NXPH1: variants seen among roughly 807,000 people sequenced by gnomAD.
NXPH1 encodes neurexophilin-1.
Under a neutral mutation model 23.7 loss-of-function variants are expected in NXPH1, and 5 were observed. The observed-to-expected ratio is 0.21, with a 90% CI of 0.11 to 0.44. The LOEUF (loss-of-function observed/expected upper bound fraction) is 0.44, where lower values mean the gene tolerates loss of function less well. Ranked by LOEUF, NXPH1 falls within the 20% of genes least tolerant of loss-of-function variation. The probability of loss-of-function intolerance (pLI) is 0.99; values close to 1 mark genes in which losing one functional copy is unlikely to be tolerated. For synonymous variants in NXPH1, 144 were observed against 122.2 expected, an observed-to-expected ratio of 1.18 and a Z score of -1.18; for missense variants, 324 against 321.6, an observed-to-expected ratio of 1.01 and a Z score of -0.06.
At chr7:8,587,468 G>A (rs1355096709) in intron 2 of NXPH1, among the ~76,000 whole-genome samples, 1 of 151,986 alleles carries the variant, frequency 6.6e-6, no homozygotes. Context: ...GCATGCCACT[G>A]TTTCTGGCTT....
rs143707143 is a variant in NXPH1 at position 8,479,402 on chromosome 7, G to A, written c.54+43635G>A. 5.5e-3 allele frequency among the ~76,000 whole-genome samples: 835 copies of A among 152,118 alleles called. 8 individuals carry two copies. Among genetic ancestry groups the A allele is most frequent in the African/African-American group, 0.019 (809 of 41,538 alleles). ...ATCTTTGAGCATTAGAATTTTTGTT[G>A]CAGAAGAAAGGAGATACAGATGTAA... On this transcript the variant is annotated intron_variant, in intron 2 of 2. Transcript: ENST00000405863.
chr7:8,509,101 T>G (rs1429948225), intron 2 of NXPH1, among the ~76,000 whole-genome samples: 2 of 152,124 alleles, frequency 1.3e-5, no homozygotes, highest in African/African-American at 4.8e-5. Context: ...GGTGTAATTT[T>G]GATATCTTTA....
At chr7:8,537,589 C>T (rs552766689) in intron 2 of NXPH1, among the ~76,000 whole-genome samples, 18 of 152,032 alleles carry the variant, frequency 1.2e-4, no homozygotes, top group Admixed American at 5.9e-4. Flanking sequence ...AGGTCCTTCC[C>T]ATGACACATG....
At chr7:8,570,942 A>T (rs1818631750) in intron 2 of NXPH1, among the ~76,000 whole-genome samples, 1 of 151,876 alleles carries the variant, frequency 6.6e-6, no homozygotes. Flanking sequence ...TTGGGAGTTT[A>T]TAAAAATAAC....
At chr7:8,465,269 A>C (rs1002720039) in intron 2 of NXPH1, among the ~76,000 whole-genome samples, 6 of 152,244 alleles carry the variant, frequency 3.9e-5, no homozygotes, top group Non-Finnish European at 8.8e-5. Flanking sequence ...ACATTTTTCT[A>C]CTGGAATTTC....
intron 2 of NXPH1, among the ~76,000 whole-genome samples, chr7:8,481,550 C>T (rs543649557): frequency 6.6e-6 from 1 of 152,262 alleles, no homozygotes; most frequent in East Asian, 1.9e-4. Context: ...AATTTAGAGA[C>T]ATCTACCAGA....
chr7:8,572,524 C>T (rs1818668598), intron 2 of NXPH1, among the ~76,000 whole-genome samples: 1 of 151,840 alleles, frequency 6.6e-6, no homozygotes, highest in African/African-American at 2.4e-5. Flanking sequence ...GCAAGACAGT[C>T]TATTATTAAG....
At chr7:8,545,954 A>G (rs1584224039) in intron 2 of NXPH1, among the ~76,000 whole-genome samples, 1 of 151,516 alleles carries the variant, frequency 6.6e-6, no homozygotes, top group Non-Finnish European at 1.5e-5. Flanking sequence ...TGTAGGCTAA[A>G]TGCTCACAGT....
intron 2 of NXPH1, among the ~76,000 whole-genome samples, chr7:8,609,540 T>A (rs570378031): frequency 6.6e-6 from 1 of 152,144 alleles, no homozygotes; most frequent in African/African-American, 2.4e-5. Context: ...TGAGACACTT[T>A]CAGAAAGATT....
chr7:8,464,281 A>G (rs1480931976), intron 2 of NXPH1, among the ~76,000 whole-genome samples: 1 of 152,132 alleles, frequency 6.6e-6, no homozygotes, highest in Non-Finnish European at 1.5e-5. Context: ...CTTATCTGTG[A>G]CCACTTGCCA....
At chr7:8,561,847 A>G (rs1330604659) in intron 2 of NXPH1, among the ~76,000 whole-genome samples, 1 of 151,752 alleles carries the variant, frequency 6.6e-6, no homozygotes, top group Non-Finnish European at 1.5e-5. Context: ...TCGGCAAACA[A>G]TGGGGAAAAT....
intron 2 of NXPH1, among the ~76,000 whole-genome samples, chr7:8,465,716 C>T (rs1816776865): frequency 6.6e-6 from 1 of 152,194 alleles, no homozygotes; most frequent in South Asian, 2.1e-4. Flanking sequence ...CACTTAAAGA[C>T]AGTAGAATAT....
At chr7:8,656,861 G>A (rs573723164) in intron 2 of NXPH1, among the ~76,000 whole-genome samples, 1 of 152,264 alleles carries the variant, frequency 6.6e-6, no homozygotes, top group East Asian at 1.9e-4. Flanking sequence ...TGTCCCTAGA[G>A]TTAATGTTTA....
chr7:8,636,323 G>C (rs1820218226), intron 2 of NXPH1, among the ~76,000 whole-genome samples: 1 of 152,160 alleles, frequency 6.6e-6, no homozygotes, highest in African/African-American at 2.4e-5. Context: ...AAATTTATCT[G>C]TAGAACTGTC....
intron 2 of NXPH1, among the ~76,000 whole-genome samples, chr7:8,654,084 GA>G (rs1820533941): frequency 6.6e-6 from 1 of 152,166 alleles, no homozygotes; most frequent in African/African-American, 2.4e-5. Flanking sequence ...CAGGACAGCA[GA>G]AATCTAAGAC....
At chr7:8,693,717 G>C (rs1460982176) in intron 2 of NXPH1, among the ~76,000 whole-genome samples, 1 of 152,100 alleles carries the variant, frequency 6.6e-6, no homozygotes, top group East Asian at 1.9e-4. Flanking sequence ...TATTATTACT[G>C]TTCATCTTCC....
chr7:8,748,797 T>C (rs535887303), intron 2 of NXPH1, among the ~76,000 whole-genome samples: 1 of 152,310 alleles, frequency 6.6e-6, no homozygotes, highest in South Asian at 2.1e-4. Flanking sequence ...TTGCGTTTTA[T>C]CTCTGATGCA....
chr7:8,491,617 C>G, intron 2 of NXPH1, among the ~76,000 whole-genome samples: 1 of 151,958 alleles, frequency 6.6e-6, no homozygotes, highest in East Asian at 1.9e-4. Flanking sequence ...TGATGGTATT[C>G]ATAATGTGGA....
At chr7:8,627,496 G>A (rs1820018273) in intron 2 of NXPH1, among the ~76,000 whole-genome samples, 1 of 152,070 alleles carries the variant, frequency 6.6e-6, no homozygotes, top group African/African-American at 2.4e-5. Flanking sequence ...CATCACTCTT[G>A]GCTCTTTGAG....
Sources: gnomAD v4.1 joint callset for allele counts (sites outside exome capture counted in the v4.1 genomes callset) on GRCh38, gnomAD v4.1.1 for gene constraint, MANE v1.5 for transcripts, NCBI Gene and HGNC (gene_info 2026-07-23, HGNC 2026-07-21) for gene names.